Variants in HADH observed in about 807,000 individuals in gnomAD.
The protein encoded by HADH is hydroxyacyl-CoA dehydrogenase.
HADH carries 24 observed loss-of-function variants against 32.2 expected under a neutral mutation model. The ratio of observed to expected loss-of-function variants is 0.75; its 90% CI spans 0.54 to 1.05. The LOEUF (loss-of-function observed/expected upper bound fraction) is 1.05. Ranked by LOEUF, HADH falls within the 50% of genes least tolerant of loss-of-function variation. HADH has a pLI of 0.00. For missense variants in HADH, 350 were observed against 397.1 expected, an observed-to-expected ratio of 0.88 and a Z score of 1.01; for synonymous variants, 139 against 152.5, an observed-to-expected ratio of 0.91 and a Z score of 0.65.
intron 1 of HADH, among the ~76,000 whole-genome samples, chr4:108,000,929 C>T (rs936954958): frequency 2.0e-5 from 3 of 152,156 alleles, no homozygotes; most frequent in Non-Finnish European, 2.9e-5. Flanking sequence ...GTACTAAGGG[C>T]TACAAAGACC....
chr4:108,003,924 C>T (rs1246205789), intron 1 of HADH, among the ~76,000 whole-genome samples: 2 of 152,096 alleles, frequency 1.3e-5, no homozygotes, highest in African/African-American at 2.4e-5. Flanking sequence ...CCCTGTTGCC[C>T]CTGTTTTATA....
At chr4:108,010,934 C>T (rs1282094509) in intron 2 of HADH, among the ~76,000 whole-genome samples, 1 of 151,680 alleles carries the variant, frequency 6.6e-6, no homozygotes, top group Non-Finnish European at 1.5e-5. Context: ...TCACCGCAAC[C>T]TCCACCTCCT....
At chr4:108,030,659 C>T (rs1051860092) in intron 6 of HADH, 4 of 152,206 alleles carry the variant, frequency 2.6e-5, no homozygotes, top group African/African-American at 9.6e-5. Flanking sequence ...GGGCTCTTAA[C>T]TGGAGGGAGG....
chr4:108,012,066 A>C (rs951447881), intron 2 of HADH, among the ~76,000 whole-genome samples: 1 of 152,040 alleles, frequency 6.6e-6, no homozygotes, highest in South Asian at 2.1e-4. Context: ...TAATTAAAAA[A>C]AAAATTTTTT....
chr4:107,999,883 A>G (rs1735067682), intron 1 of HADH, among the ~76,000 whole-genome samples: 1 of 152,232 alleles, frequency 6.6e-6, no homozygotes, highest in South Asian at 2.1e-4. Context: ...ACCTTAAAGT[A>G]TGGTTTTTAA....
At chr4:108,002,094 GC>G (rs1215506523) in intron 1 of HADH, among the ~76,000 whole-genome samples, 5 of 152,172 alleles carry the variant, frequency 3.3e-5, no homozygotes, top group African/African-American at 1.2e-4. Context: ...ATTTAAAGGG[GC>G]TTGAGAGACC....
intron 3 of HADH, among the ~76,000 whole-genome samples, chr4:108,017,519 G>A (rs1303904585): frequency 1.3e-5 from 2 of 151,804 alleles, no homozygotes; most frequent in African/African-American, 4.8e-5. Context: ...AACAAAAGAT[G>A]GTTCAAGACA....
Position 108,034,904 on chromosome 4 carries a change from ATGC to A in HADH, c.*556_*558del, listed in dbSNP as rs906193065. 2 of 199,510 alleles carry A rather than the reference ATGC, an allele frequency of 1.0e-5. No individual in the cohort carries two copies. Among genetic ancestry groups the A allele is most frequent in the Non-Finnish European group, 2.1e-5 (2 of 95,606 alleles). The allele number at this position is 199,510 out of a possible 1,614,324, so 12.4% of individuals were successfully genotyped here. A position where few individuals can be genotyped will look rare whatever the true frequency, so the allele number is the denominator to read the frequency against. On this transcript the variant is annotated 3_prime_UTR_variant, in exon 8 of 8. Transcript: ENST00000309522. ...TGTCTTTATTCAGCTCGTCGTGAAG[ATGC>A]TGCTGCTGAATGGGTCAGCATATCT...
At position 108,033,210 on chromosome 4, in the gene HADH, G is replaced by T; in HGVS notation, c.744G>T (p.Met248Ile). ...CCAAAGAAGACATTGACACTGCTAT[G>T]AAATTAGGAGCCGGTTACCCCATGG... Reference protein sequence around the residue: ...DASKEDIDTAMKLGAGYPMGP... With the variant: ...DASKEDIDTAIKLGAGYPMGP... The change falls in exon 7 of 8, where the codon ATG becomes ATT. Residue 248 changes from methionine to isoleucine, a missense_variant. Coordinates refer to ENST00000309522, the MANE Select transcript of HADH (RefSeq NM_005327.7). 1 of 1,609,508 alleles carries T rather than the reference G, an allele frequency of 6.2e-7. No homozygotes were observed. The highest frequency in any genetic ancestry group is 8.5e-7 in the Non-Finnish European group (1 of 1,175,772).
rs564018956 is a variant in HADH at position 108,016,215 on chromosome 4, A to T, written c.419+1627A>T. 3.3e-5 allele frequency among the ~76,000 whole-genome samples: 5 copies of T among 152,174 alleles called. No homozygotes were observed. In the South Asian group the frequency reaches 8.3e-4, roughly 25 times the overall value. On this transcript the variant is annotated intron_variant, in intron 3 of 7. Coordinates refer to ENST00000309522, the MANE Select transcript of HADH (RefSeq NM_005327.7). ...TAGTGACTTGTTTGACTATATTTTC[A>T]TGCTTCTTGGTTGGAATTGAATGGC...
At chr4:107,995,024 G>A (rs1025296221) in intron 1 of HADH, among the ~76,000 whole-genome samples, 2 of 152,064 alleles carry the variant, frequency 1.3e-5, no homozygotes, top group East Asian at 1.9e-4. Flanking sequence ...CTTGCCCCTT[G>A]CTTGAGTTTC....
intron 1 of HADH, chr4:108,004,314 G>T: frequency 4.0e-6 from 1 of 247,104 alleles, no homozygotes; most frequent in Non-Finnish European, 8.0e-6. Flanking sequence ...TGGTAGTTTT[G>T]GTCCATCCCT....
chr4:108,027,825 C>T (rs959037529), intron 6 of HADH, 65 bp downstream of exon 6: 2 of 962,618 alleles, frequency 2.1e-6, no homozygotes, highest in South Asian at 2.6e-5. Flanking sequence ...CTGGAATTCT[C>T]AGTGTCTCTA....
chr4:107,998,280 A>ATTGTT (rs1445709176), intron 1 of HADH, among the ~76,000 whole-genome samples: 4 of 151,526 alleles, frequency 2.6e-5, no homozygotes, highest in African/African-American at 7.3e-5. Flanking sequence ...ACTGGAAATG[A>ATTGTT]TTGTTTTGTT....
Position 108,023,550 on chromosome 4 carries a change from C to T in HADH, c.623C>T (p.Pro208Leu). 1 of 1,597,150 alleles carries T rather than the reference C, an allele frequency of 6.3e-7. No individual in the cohort carries two copies. Among genetic ancestry groups the T allele is most frequent in the South Asian group, 1.1e-5 (1 of 90,760 alleles). Reference sequence around the variant, plus strand: ...TTTAGCAAAGCCCTAGGAAAGCATCCTGTTTCTTGCAAGGTAAGAGTATGG... The same window carrying T: ...TTTAGCAAAGCCCTAGGAAAGCATCTTGTTTCTTGCAAGGTAAGAGTATGG... The part of the protein sequence containing the change: ...VDFSKALGKH[P>L]VSCKDTPGFI... Residue 208 changes from proline to leucine, a missense_variant, in exon 5 of 8, where the codon CCT (proline) becomes CTT (leucine). Transcript: ENST00000309522.
Position 107,989,914 on chromosome 4 carries a change from T to TCGC in HADH, c.-12_-10dup, listed in dbSNP as rs1734718111. 6.2e-7 allele frequency: 1 copy of TCGC among 1,608,944 alleles called. No individual in the cohort carries two copies. Among genetic ancestry groups the TCGC allele is most frequent in the African/African-American group, 1.3e-5 (1 of 74,774 alleles). On this transcript the variant is annotated 5_prime_UTR_variant, in exon 1 of 8. Coordinates refer to ENST00000309522, the MANE Select transcript of HADH (RefSeq NM_005327.7). ...CTTCCCTGCCCGGGTCTCCTCGCTG[T>TCGC]CGCCGCCGCTGCCACACCATGGCCT...
chr4:108,009,703 G>C (rs772564277), intron 1 of HADH, 56 bp from the exon 2 acceptor site: 17 of 1,545,302 alleles, frequency 1.1e-5, no homozygotes, highest in Non-Finnish European at 8.9e-7. Context: ...GGGTGTGTGC[G>C]CGTGCGTGTT....
chr4:108,019,432 A>G, intron 3 of HADH, 108 bp from the exon 4 acceptor site: 1 of 950,358 alleles, frequency 1.1e-6, no homozygotes, highest in Non-Finnish European at 1.7e-6. Context: ...ATGGGTCAGG[A>G]CAACAGATGT....
intron 1 of HADH, among the ~76,000 whole-genome samples, chr4:108,002,050 A>G (rs1735133876): frequency 6.6e-6 from 1 of 152,160 alleles, no homozygotes; most frequent in Non-Finnish European, 1.5e-5. Flanking sequence ...TGATTAGGTC[A>G]TGAGGGTTCT....
Sources: allele counts gnomAD v4.1 joint callset (sites outside exome capture counted in the v4.1 genomes callset), GRCh38; gene constraint gnomAD v4.1.1; transcripts MANE v1.5; gene names NCBI Gene and HGNC (gene_info 2026-07-23, HGNC 2026-07-21).